Variants in TSHZ2 observed in about 807,000 individuals in gnomAD.
TSHZ2 encodes the protein teashirt homolog 2.
Under a neutral mutation model 74.4 loss-of-function variants are expected in TSHZ2, and 21 were observed. The ratio of observed to expected loss-of-function variants is 0.28; its 90% CI spans 0.20 to 0.41. The LOEUF is 0.41. Ranked by LOEUF, TSHZ2 falls within the 10% of genes least tolerant of loss-of-function variation. The probability of loss-of-function intolerance (pLI) is 1.00; values close to 1 mark genes in which losing one functional copy is unlikely to be tolerated. For synonymous variants in TSHZ2, 540 were observed against 515.3 expected (o/e 1.05, Z -0.65); for missense variants, 1,244 against 1,293.5 (o/e 0.96, Z 0.59).
chr20:53,065,251 A>T (rs80206409), intron 1 of TSHZ2, among the ~76,000 whole-genome samples: 1,822 of 152,336 alleles, frequency 0.012, 17 homozygotes, highest in Non-Finnish European at 0.019. Flanking sequence ...TTTTATTATT[A>T]TTACAAATTA....
chr20:53,022,412 T>G (rs1983277961), intron 1 of TSHZ2, among the ~76,000 whole-genome samples: 1 of 152,156 alleles, frequency 6.6e-6, no homozygotes, highest in Admixed American at 6.6e-5. Flanking sequence ...ACTAGCTGCT[T>G]CCCATGCCAC....
intron 2 of TSHZ2, among the ~76,000 whole-genome samples, chr20:53,422,543 C>T (rs1983513942): frequency 6.6e-6 from 1 of 152,154 alleles, no homozygotes; most frequent in Admixed American, 6.5e-5. Flanking sequence ...CCACCCCCCT[C>T]AGATGCAATT....
At position 53,240,721 on chromosome 20, in the gene TSHZ2, TGATAGATAGATA is replaced by T. The variant is rs11468792; in HGVS notation, c.41-12737_41-12726del. On this transcript the variant is annotated intron_variant, in intron 1 of 2. Coordinates refer to ENST00000371497, the MANE Select transcript of TSHZ2 (RefSeq NM_173485.6). ...CTGTGCATTAAAATAGATAGATAGATGATAGATAGATAGATAGATAGATAGATAGATAGATAG... is the reference window on the plus strand; with the variant it reads ...CTGTGCATTAAAATAGATAGATAGATGATAGATAGATAGATAGATAGATAG... Among the ~76,000 whole-genome samples the T allele has an allele frequency of 4.7e-3, 677 of 145,154 alleles. 8 individuals are homozygous for T. In the East Asian group the frequency reaches 0.05, roughly 11 times the overall value.
chr20:53,275,790 G>C (rs191262182), intron 2 of TSHZ2, among the ~76,000 whole-genome samples: 14 of 152,138 alleles, frequency 9.2e-5, no homozygotes, highest in Non-Finnish European at 1.8e-4. Flanking sequence ...AGCCAGGCGC[G>C]GTGGCACATG....
At chr20:52,977,822 A>C (rs1981403466) in intron 1 of TSHZ2, among the ~76,000 whole-genome samples, 1 of 152,212 alleles carries the variant, frequency 6.6e-6, no homozygotes, top group South Asian at 2.1e-4. Context: ...AAACTCTGTA[A>C]GGGAGCAGGG....
In TSHZ2 at chr20:53,254,824, T is replaced by C; in HGVS notation, c.1366T>C (p.Ser456Pro). Reference sequence around the variant, plus strand: ...TAACTCAGCATCAGATTGTACAGCCTCTACAACTGAGTTAAAGAAAGAGAG... The same window carrying C: ...TAACTCAGCATCAGATTGTACAGCCCCTACAACTGAGTTAAAGAAAGAGAG... ...SSNSASDCTA[S>P]TTELKKESKK... The change falls in exon 2 of 3, where the codon TCT becomes CCT. Residue 456 changes from serine to proline, a missense_variant. Ser to Pro is a moderately conservative substitution (Grantham distance 74). Transcript: ENST00000371497. 1 of 1,613,810 alleles carries C rather than the reference T, an allele frequency of 6.2e-7. No individual in the cohort carries two copies. The highest frequency in any genetic ancestry group is 8.5e-7 in the Non-Finnish European group (1 of 1,179,946).
intron 2 of TSHZ2, among the ~76,000 whole-genome samples, chr20:53,292,118 T>A (rs892559294): frequency 6.6e-6 from 1 of 152,130 alleles, no homozygotes; most frequent in East Asian, 1.9e-4. Context: ...AGGTCTCACA[T>A]ATAATAATCT....
rs939368296 is a variant in TSHZ2, at chr20:53,488,836, A to T, written c.*1701A>T. On this transcript the variant is annotated 3_prime_UTR_variant, in exon 3 of 3. Coordinates refer to ENST00000371497, the MANE Select transcript of TSHZ2 (RefSeq NM_173485.6). ...GATCCCTAAATTCAACATTGGGATT[A>T]AAAAAAAAAAAAAACTTCTTATTTA... 131 of 109,948 alleles carry T rather than the reference A, an allele frequency of 1.2e-3. No homozygotes were observed. Among genetic ancestry groups the T allele is most frequent in the Admixed American group, 4.2e-3 (40 of 9,490 alleles). The allele number at this position is 109,948 out of a possible 1,614,324, so 6.8% of individuals were successfully genotyped here.
At chr20:53,039,606 C>T (rs1983961421) in intron 1 of TSHZ2, among the ~76,000 whole-genome samples, 1 of 152,112 alleles carries the variant, frequency 6.6e-6, no homozygotes, top group Admixed American at 6.5e-5. Context: ...TGGTGAAACT[C>T]CGTCTCCACT....
intron 1 of TSHZ2, among the ~76,000 whole-genome samples, chr20:53,127,583 G>A (rs1354182087): frequency 6.6e-6 from 1 of 152,162 alleles, no homozygotes; most frequent in African/African-American, 2.4e-5. Context: ...ACTTTGGGTA[G>A]GATGGTGGCC....
intron 2 of TSHZ2, among the ~76,000 whole-genome samples, chr20:53,320,483 A>C (rs1278102933): frequency 6.6e-6 from 1 of 152,218 alleles, no homozygotes; most frequent in African/African-American, 2.4e-5. Flanking sequence ...TTGTAAAACC[A>C]CATCCTAGAT....
At chr20:53,025,115 A>G (rs1017255401) in intron 1 of TSHZ2, among the ~76,000 whole-genome samples, 1 of 151,718 alleles carries the variant, frequency 6.6e-6, no homozygotes, top group Non-Finnish European at 1.5e-5. Flanking sequence ...TTAGATATAA[A>G]AATTAAGTTT....
At position 53,256,386 on chromosome 20, in the gene TSHZ2, G is replaced by A. The variant is rs375281388; in HGVS notation, c.2928G>A (p.Ser976=). ...AGCAAGAGATCTCCCGGGTATCGTC[G>A]GCTCAGAGGTCTCCAGAAACAATAG... ...KVEQEISRVS[S]AQRSPETIAA... The change falls in exon 2 of 3, where the codon TCG becomes TCA. Residue 976 remains serine, a synonymous_variant. Transcript: ENST00000371497. This position sits in a 1 kb window ranked among gnomAD's most constrained non-coding sequence, Gnocchi z 4.3. 9.3e-6 allele frequency: 15 copies of A among 1,613,102 alleles called. No homozygotes were observed. Among genetic ancestry groups the A allele is most frequent in the Non-Finnish European group, 1.0e-5 (12 of 1,179,288 alleles).
intron 1 of TSHZ2, among the ~76,000 whole-genome samples, chr20:53,077,701 AAAAC>A (rs762724838): frequency 6.6e-6 from 1 of 152,238 alleles, no homozygotes; most frequent in African/African-American, 2.4e-5. Context: ...AGGTCAAAGA[AAAAC>A]AAAGCCTGAC....
At chr20:53,454,875 C>A (rs751265551) in intron 2 of TSHZ2, among the ~76,000 whole-genome samples, 2 of 152,076 alleles carry the variant, frequency 1.3e-5, no homozygotes, top group Admixed American at 6.6e-5. Context: ...TGAAACTTAC[C>A]AGATCACCAC....
chr20:53,053,235 C>T (rs563334657), intron 1 of TSHZ2, among the ~76,000 whole-genome samples: 8 of 152,264 alleles, frequency 5.3e-5, no homozygotes, highest in African/African-American at 1.7e-4. Context: ...ATTTTATTAC[C>T]AAATAATATT....
At chr20:52,994,391 C>T (rs548869157) in intron 1 of TSHZ2, among the ~76,000 whole-genome samples, 7 of 150,558 alleles carry the variant, frequency 4.6e-5, no homozygotes, top group East Asian at 1.9e-4. Flanking sequence ...GATGGATAAA[C>T]GGATGGATGG....
intron 2 of TSHZ2, among the ~76,000 whole-genome samples, chr20:53,318,372 C>T (rs890796012): frequency 1.3e-5 from 2 of 152,186 alleles, no homozygotes; most frequent in Admixed American, 6.5e-5. Flanking sequence ...CGCGGAAACA[C>T]TCCCCAAAGG....
chr20:53,256,602 G>A lies in TSHZ2; in HGVS notation c.*8+31G>A. ...GGTTTGCTCTGAGGCATTGCGATTA[G>A]CCTGGTGAGGAGCTTTCTTACAGGG... On this transcript the variant is annotated intron_variant, in intron 2 of 2. Coordinates refer to ENST00000371497, the MANE Select transcript of TSHZ2 (RefSeq NM_173485.6). This position sits in a 1 kb window ranked among gnomAD's most constrained non-coding sequence, Gnocchi z 4.3. 2 of 1,528,578 alleles carry A rather than the reference G, an allele frequency of 1.3e-6. No individual in the cohort carries two copies. The highest frequency in any genetic ancestry group is 1.3e-5 in the South Asian group (1 of 75,966). The allele number at this position is 1,528,578 out of a possible 1,614,324, so 94.7% of individuals were successfully genotyped here.
Sources: allele counts gnomAD v4.1 joint callset (sites outside exome capture counted in the v4.1 genomes callset), GRCh38; gene constraint gnomAD v4.1.1; non-coding constraint Gnocchi (gnomAD v3.1); transcripts MANE v1.5; gene names NCBI Gene and HGNC (gene_info 2026-07-23, HGNC 2026-07-21).